HAUS1: variants seen among roughly 807,000 people sequenced by gnomAD.
HAUS1 encodes HAUS augmin like complex subunit 1, also known as HAUS augmin-like complex subunit 1.
In HAUS1, 25 loss-of-function variants were observed where a neutral mutation model predicts 38.6. The ratio of observed to expected loss-of-function variants is 0.65; its 90% CI spans 0.47 to 0.91. HAUS1 has a LOEUF of 0.91. Among genes scored for constraint, HAUS1 ranks in the 40% least tolerant of loss-of-function variants. The pLI, the probability that HAUS1 is intolerant of heterozygous loss-of-function variation, is 0.00. For synonymous variants in HAUS1, 109 were observed against 112.9 expected, an observed-to-expected ratio of 0.97 and a Z score of 0.22; for missense variants, 325 against 328.4, an observed-to-expected ratio of 0.99 and a Z score of 0.08.
In HAUS1 at chr18:46,118,197, C is replaced by T. The variant is rs1470810330; in HGVS notation, c.222C>T (p.Asp74=). Residue 74 remains aspartate, a synonymous_variant, in exon 3 of 9, where the codon GAC becomes GAT. Transcript: ENST00000282058. ...TGTTTTTAGCCAAGTATCTTCAAGA[C>T]CTTCTCATGGAGAGTGTGAATTTTT... is the stretch of plus-strand genomic sequence containing the variant. The part of the protein sequence containing the change: ...EYESEAKYLQ[D]LLMESVNFSP... 3 of 1,611,910 alleles carry T rather than the reference C, an allele frequency of 1.9e-6. No individual in the cohort carries two copies. The highest frequency in any genetic ancestry group is 1.7e-5 in the Admixed American group (1 of 59,974).
chr18:46,118,250 C>A lies in HAUS1; in HGVS notation c.275C>A (p.Ser92Tyr). 1 of 1,612,618 alleles carries A rather than the reference C, an allele frequency of 6.2e-7. No homozygotes were observed. The highest frequency in any genetic ancestry group is 8.5e-7 in the Non-Finnish European group (1 of 1,179,774). Reference sequence around the variant, plus strand: ...CCCGCCAATCTCTCTAGCACTGGTTCCAGGTATCTGAATGCTTTGGTTGAC... The same window carrying A: ...CCCGCCAATCTCTCTAGCACTGGTTACAGGTATCTGAATGCTTTGGTTGAC... ...FSPANLSSTGSRYLNALVDSA... is the reference protein window; with the variant it reads ...FSPANLSSTGYRYLNALVDSA... The change falls in exon 3 of 9, where the codon TCC (serine) becomes TAC (tyrosine). Residue 92 changes from serine to tyrosine, a missense_variant. Physicochemically the swap from Ser to Tyr is moderately radical, Grantham distance 144. Transcript: ENST00000282058.
At chr18:46,111,880 CTTTTCTTTTTTT>C (rs1911642326) in intron 2 of HAUS1, among the ~76,000 whole-genome samples, 1 of 143,482 alleles carries the variant, frequency 7.0e-6, no homozygotes, top group East Asian at 2.1e-4. Context: ...ATTTTCTTTT[CTTTTCTTTTTTT>C]TTTTTTTTTA....
chr18:46,110,326 T>C (rs1163547200), intron 2 of HAUS1, among the ~76,000 whole-genome samples: 1 of 141,110 alleles, frequency 7.1e-6, no homozygotes, highest in Admixed American at 7.5e-5. Flanking sequence ...CAGCTTATTT[T>C]TTTAAGGTTT....
intron 5 of HAUS1, 94 bp from the exon 6 acceptor site, chr18:46,123,205 G>C (rs867366571): frequency 3.6e-6 from 3 of 833,994 alleles, no homozygotes; most frequent in South Asian, 1.5e-5. Context: ...AGCAAGACTC[G>C]GTCTCAAAAA....
chr18:46,111,799 CCTT>C (rs909406662), intron 2 of HAUS1, among the ~76,000 whole-genome samples: 4 of 151,870 alleles, frequency 2.6e-5, no homozygotes, highest in African/African-American at 9.7e-5. Flanking sequence ...TCTTTTCTCT[CCTT>C]CTGGTACTTC....
chr18:46,115,013 G>A (rs1911762655), intron 2 of HAUS1: 1 of 152,184 alleles, frequency 6.6e-6, no homozygotes, highest in South Asian at 2.1e-4. Flanking sequence ...TATGCTGGAA[G>A]TTGATCTCCT....
At chr18:46,123,601 T>C (rs1296344408) in intron 6 of HAUS1, among the ~76,000 whole-genome samples, 3 of 152,198 alleles carry the variant, frequency 2.0e-5, no homozygotes, top group African/African-American at 2.4e-5. Context: ...GAGTCACTTA[T>C]GTATTATTGA....
In HAUS1 at chr18:46,128,302, A is replaced by G. The variant is rs369001149; in HGVS notation, c.*177A>G. On this transcript the variant is annotated 3_prime_UTR_variant, in exon 9 of 9. Transcript: ENST00000282058. Reference sequence around the variant, plus strand: ...GTGTTGCATTTTTGTGCCCAAATACATAGTTTTCATATTAAAAAGCCTTTT... The same window carrying G: ...GTGTTGCATTTTTGTGCCCAAATACGTAGTTTTCATATTAAAAAGCCTTTT... 4.4e-6 allele frequency: 2 copies of G among 455,624 alleles called. No individual in the cohort carries two copies. Among genetic ancestry groups the G allele is most frequent in the Non-Finnish European group, 8.0e-6 (2 of 251,030 alleles). The allele number at this position is 455,624 out of a possible 1,614,324, so 28.2% of individuals were successfully genotyped here.
intron 2 of HAUS1, among the ~76,000 whole-genome samples, chr18:46,112,331 T>C (rs1434167744): frequency 7.6e-6 from 1 of 132,132 alleles, no homozygotes; most frequent in African/African-American, 3.0e-5. Flanking sequence ...ATATAATGTG[T>C]ATATATATTC....
chr18:46,108,832 G>A (rs1272436254), intron 2 of HAUS1, among the ~76,000 whole-genome samples: 1 of 152,090 alleles, frequency 6.6e-6, no homozygotes, highest in African/African-American at 2.4e-5. Flanking sequence ...AGCACTTTGG[G>A]AGGCCGAGGC....
intron 2 of HAUS1, among the ~76,000 whole-genome samples, chr18:46,114,613 C>T (rs1014716362): frequency 3.3e-5 from 5 of 152,184 alleles, no homozygotes; most frequent in African/African-American, 1.2e-4. Flanking sequence ...AGACACACCT[C>T]TCAACCACAT....
Position 46,109,383 on chromosome 18 carries a change from G to A in HAUS1, c.205+4015G>A, listed in dbSNP as rs188987348. Among the ~76,000 whole-genome samples, 668 of 152,240 alleles carry A rather than the reference G, an allele frequency of 4.4e-3. 3 individuals are homozygous for A. The highest frequency in any genetic ancestry group is 4.4e-3 in the Non-Finnish European group (301 of 68,026). ...TTACAATTCAACATGAGATTTAGGT[G>A]GGGCCACGGAGCCAAACTATATCAC... On this transcript the variant is annotated intron_variant, in intron 2 of 8. Transcript: ENST00000282058.
chr18:46,110,332 G>GGTTTTTT (rs1911587394), intron 2 of HAUS1, among the ~76,000 whole-genome samples: 1 of 58,588 alleles, frequency 1.7e-5, no homozygotes, highest in Non-Finnish European at 3.8e-5. Flanking sequence ...ATTTTTTTAA[G>GGTTTTTT]GTTTTTTTTT....
At chr18:46,127,866 C>T (rs1272877004) in intron 8 of HAUS1, among the ~76,000 whole-genome samples, 5 of 152,110 alleles carry the variant, frequency 3.3e-5, no homozygotes, top group Admixed American at 2.0e-4. Flanking sequence ...TTCTTAGAAT[C>T]ACTTAGGAGT....
At position 46,122,554 on chromosome 18, in the gene HAUS1, G is replaced by T. The variant is rs1210065885; in HGVS notation, c.564G>T (p.Lys188Asn). 13 of 1,614,164 alleles carry T rather than the reference G, an allele frequency of 8.1e-6. No individual in the cohort carries two copies. Among genetic ancestry groups the T allele is most frequent in the Non-Finnish European group, 1.0e-5 (12 of 1,179,994 alleles). Residue 188 changes from lysine (K) to asparagine (N), a missense_variant, in exon 5 of 9, where the codon AAG (lysine) becomes AAT (asparagine). Physicochemically the swap from Lys to Asn is moderately conservative, Grantham distance 94. Coordinates refer to ENST00000282058, the MANE Select transcript of HAUS1 (RefSeq NM_138443.4). Reference sequence around the variant, plus strand: ...AGAACATGGACTTTCTAAAAGCAAAGTCAGAGGAATTCAGATTTGGAATCA... The same window carrying T: ...AGAACATGGACTTTCTAAAAGCAAATTCAGAGGAATTCAGATTTGGAATCA... The part of the protein sequence containing the change: ...RRQNMDFLKA[K>N]SEEFRFGIKA...
intron 2 of HAUS1, among the ~76,000 whole-genome samples, chr18:46,110,969 C>T (rs1276298238): frequency 2.0e-5 from 3 of 150,298 alleles, no homozygotes; most frequent in African/African-American, 4.9e-5. Flanking sequence ...CTCTGCCTTC[C>T]GGATTCAAGC....
intron 2 of HAUS1, among the ~76,000 whole-genome samples, chr18:46,113,631 C>T: frequency 6.6e-6 from 1 of 151,930 alleles, no homozygotes; most frequent in East Asian, 1.9e-4. Context: ...GAAGTTTTTC[C>T]TGATAAAGCC....
chr18:46,115,301 A>C (rs1319484233), intron 2 of HAUS1: 2 of 152,222 alleles, frequency 1.3e-5, no homozygotes, highest in Non-Finnish European at 2.9e-5. Flanking sequence ...TCTACTAAAA[A>C]TGCAAAAATT....
chr18:46,112,859 T>G (rs36167972), intron 2 of HAUS1, among the ~76,000 whole-genome samples: 1 of 94,804 alleles, frequency 1.1e-5, no homozygotes, highest in African/African-American at 4.8e-5. Flanking sequence ...TATTCCATAT[T>G]ACATATATAT....
Sources: gnomAD v4.1 joint callset for allele counts (sites outside exome capture counted in the v4.1 genomes callset) on GRCh38, gnomAD v4.1.1 for gene constraint, MANE v1.5 for transcripts, NCBI Gene and HGNC (gene_info 2026-07-23, HGNC 2026-07-21) for gene names.